Variants in CDIP1 observed in about 807,000 individuals in gnomAD.
CDIP1 encodes cell death-inducing p53-target protein 1.
Under a neutral mutation model 17.7 loss-of-function variants are expected in CDIP1, and 9 were observed. The ratio of observed to expected loss-of-function variants is 0.51; its 90% CI spans 0.31 to 0.89. The LOEUF is 0.89. Ranked by LOEUF, CDIP1 falls within the 40% of genes least tolerant of loss-of-function variation. The pLI is 0.05. For missense variants in CDIP1, 263 were observed against 277.9 expected (o/e 0.95, Z 0.38); for synonymous variants, 117 against 109.5 (o/e 1.07, Z -0.43).
chr16:4,524,515 A>T (rs1216039190), intron 1 of CDIP1, among the ~76,000 whole-genome samples: 1 of 152,204 alleles, frequency 6.6e-6, no homozygotes, highest in Non-Finnish European at 1.5e-5. Flanking sequence ...TGTAAGCAGA[A>T]GTGTCCAGAC....
At chr16:4,522,806 A>G (rs2058964536) in intron 1 of CDIP1, among the ~76,000 whole-genome samples, 1 of 152,180 alleles carries the variant, frequency 6.6e-6, no homozygotes, top group Non-Finnish European at 1.5e-5. Flanking sequence ...GGAAAAGGAG[A>G]GCACAGAATC....
chr16:4,513,789 C>G lies in CDIP1; in HGVS notation c.148G>C (p.Gly50Arg), dbSNP rs763443773. ...PGMPLPPADIGPPPYEPPGHP... is the reference protein window; with the variant it reads ...PGMPLPPADIRPPPYEPPGHP... ...CCCGGCGGCTCATAGGGTGGGGGGC[C>G]AATGTCCGCAGGGGGCAGTGGCATG... Residue 50 changes from glycine to arginine, a missense_variant, in exon 4 of 6, where the codon GGC becomes CGC. Physicochemically the swap from Gly to Arg is moderately radical, Grantham distance 125. Transcript: ENST00000567695. The surrounding 1 kb of genome is among the most constrained non-coding windows in gnomAD (Gnocchi z 4.1). 2 of 1,605,326 alleles carry G rather than the reference C, an allele frequency of 1.2e-6. No individual in the cohort carries two copies. The highest frequency in any genetic ancestry group is 1.7e-6 in the Non-Finnish European group (2 of 1,174,196).
chr16:4,513,186 CCT>C lies in CDIP1; in HGVS notation c.242-124_242-123del. ...GCGTGCAAGGCTACGCCTCAGACCT[CCT>C]ACCGCCCTCCTAACGGGCCAGTGGG... On this transcript the variant is annotated intron_variant, in intron 4 of 5. Coordinates refer to ENST00000567695, the MANE Select transcript of CDIP1 (RefSeq NM_013399.3). The surrounding 1 kb of genome is among the most constrained non-coding windows in gnomAD (Gnocchi z 4.1). The C allele has an allele frequency of 9.7e-7, 1 of 1,033,166 alleles. No individual in the cohort carries two copies. The highest frequency in any genetic ancestry group is 1.4e-6 in the Non-Finnish European group (1 of 732,652). 64.0% of individuals were successfully genotyped at this position (1,033,166 alleles called of 1,614,324 possible). A position where few individuals can be genotyped will look rare whatever the true frequency, so the allele number is the denominator to read the frequency against.
chr16:4,514,218 G>C lies in CDIP1; in HGVS notation c.-14-74C>G. ...TCCTTCTCCTTCAGCCCTGTGGGGT[G>C]GCCAAGATGCTGCACAAGGCGTGTG... is the stretch of plus-strand genomic sequence containing the variant. On this transcript the variant is annotated intron_variant, in intron 2 of 5. Transcript: ENST00000567695. The surrounding 1 kb of genome is among the most constrained non-coding windows in gnomAD (Gnocchi z 5.2). 1.2e-6 allele frequency: 1 copy of C among 844,732 alleles called. No individual in the cohort carries two copies. The highest frequency in any genetic ancestry group is 1.8e-6 in the Non-Finnish European group (1 of 549,226). 52.3% of individuals were successfully genotyped at this position (844,732 alleles called of 1,614,324 possible).
chr16:4,535,087 C>T (rs2141663124), intron 1 of CDIP1, among the ~76,000 whole-genome samples: 1 of 152,278 alleles, frequency 6.6e-6, no homozygotes, highest in South Asian at 2.1e-4. Context: ...GAAATTCTCC[C>T]TAAACCCTCC....
chr16:4,528,435 G>GT (rs963615321), intron 1 of CDIP1, among the ~76,000 whole-genome samples: 3 of 152,112 alleles, frequency 2.0e-5, no homozygotes, highest in African/African-American at 7.2e-5. Context: ...TTGTTTATAT[G>GT]TAAGTACACA....
In CDIP1 at chr16:4,514,333, A is replaced by G. The variant is rs2141628967; in HGVS notation, c.-14-189T>C. Among the ~76,000 whole-genome samples the G allele has an allele frequency of 6.6e-6, 1 of 152,250 alleles. No homozygotes were observed. On this transcript the variant is annotated intron_variant, in intron 2 of 5. Coordinates refer to ENST00000567695, the MANE Select transcript of CDIP1 (RefSeq NM_013399.3). The surrounding 1 kb of genome is among the most constrained non-coding windows in gnomAD (Gnocchi z 5.2). ...CCCAGAGCCACCATCCTCACCTCTC[A>G]GTAGTCACCTGCTCTTCCCTGTTTG...
rs190300249 is a variant in CDIP1 at position 4,527,212 on chromosome 16, C to T, written c.-105+11490G>A. On this transcript the variant is annotated intron_variant, in intron 1 of 5. Coordinates refer to ENST00000567695, the MANE Select transcript of CDIP1 (RefSeq NM_013399.3). ...ACACCATTCTCCTGCCTCAGCCTCCCGAGTAGCTGGGACTACAGGCGCCCG... is the reference window on the plus strand; with the variant it reads ...ACACCATTCTCCTGCCTCAGCCTCCTGAGTAGCTGGGACTACAGGCGCCCG... Among the ~76,000 whole-genome samples, 1,179 of 152,032 alleles carry T rather than the reference C, an allele frequency of 7.8e-3. 9 individuals carry two copies. Among genetic ancestry groups the T allele is most frequent in the Middle Eastern group, 0.024 (7 of 294 alleles).
At position 4,510,874 on chromosome 16, in the gene CDIP1, G is replaced by A. The variant is rs989608951; in HGVS notation, c.*1698C>T. On this transcript the variant is annotated 3_prime_UTR_variant, in exon 6 of 6. Transcript: ENST00000567695. ...GGGCCAGAGGTCGCCCAGAACCTGC[G>A]TGTGCAGACTGCGCTCTGTTAGTCT... 6.6e-6 allele frequency: 1 copy of A among 152,256 alleles called. No homozygotes were observed. The highest frequency in any genetic ancestry group is 1.5e-5 in the Non-Finnish European group (1 of 68,058). 9.4% of individuals were successfully genotyped at this position (152,256 alleles called of 1,614,324 possible).
intron 1 of CDIP1, among the ~76,000 whole-genome samples, chr16:4,516,230 C>T (rs1164901030): frequency 6.6e-6 from 1 of 152,126 alleles, no homozygotes; most frequent in African/African-American, 2.4e-5. Flanking sequence ...CCCATAGAAA[C>T]GGAAAGTACA....
At chr16:4,520,973 A>G (rs1036409211) in intron 1 of CDIP1, among the ~76,000 whole-genome samples, 1 of 152,176 alleles carries the variant, frequency 6.6e-6, no homozygotes, top group Admixed American at 6.6e-5. Flanking sequence ...ATCAAACTCC[A>G]TTTGACATAC....
intron 1 of CDIP1, among the ~76,000 whole-genome samples, chr16:4,525,931 A>G (rs1162364742): frequency 6.6e-6 from 1 of 152,126 alleles, no homozygotes; most frequent in Non-Finnish European, 1.5e-5. Context: ...TGAACCATTT[A>G]TTTATTTTTA....
Position 4,512,357 on chromosome 16 carries a change from C to T in CDIP1, c.*215G>A. The T allele has an allele frequency of 1.7e-6, 1 of 596,474 alleles. No homozygotes were observed. The highest frequency in any genetic ancestry group is 2.8e-5 in the East Asian group (1 of 35,878). 36.9% of individuals were successfully genotyped at this position (596,474 alleles called of 1,614,324 possible). On this transcript the variant is annotated 3_prime_UTR_variant, in exon 6 of 6. Transcript: ENST00000567695. This position sits in a 1 kb window ranked among gnomAD's most constrained non-coding sequence, Gnocchi z 4.6. ...CAACACACAAGCTCATTGTCAGCCC[C>T]CTGCCACCCACTGACCCTTGGCCTT... is the stretch of plus-strand genomic sequence containing the variant.
chr16:4,511,949 A>G lies in CDIP1; in HGVS notation c.*623T>C, dbSNP rs1596483004. ...ACCTGACACCAGGCAGCTCTCGGGC[A>G]CTGGGACAGGGTATTAGACATCCTG... On this transcript the variant is annotated 3_prime_UTR_variant, in exon 6 of 6. Coordinates refer to ENST00000567695, the MANE Select transcript of CDIP1 (RefSeq NM_013399.3). 1 of 154,538 alleles carries G rather than the reference A, an allele frequency of 6.5e-6. No individual in the cohort carries two copies. The highest frequency in any genetic ancestry group is 2.0e-4 in the South Asian group (1 of 4,960). The allele number at this position is 154,538 out of a possible 1,614,324, so 9.6% of individuals were successfully genotyped here. A position where few individuals can be genotyped will look rare whatever the true frequency, so the allele number is the denominator to read the frequency against.
intron 1 of CDIP1, among the ~76,000 whole-genome samples, chr16:4,528,805 A>G (rs1490877787): frequency 6.6e-6 from 1 of 152,004 alleles, no homozygotes; most frequent in African/African-American, 2.4e-5. Flanking sequence ...CCTGGCCAAC[A>G]TGGTGAAACC....
At chr16:4,519,483 G>A (rs1048026778) in intron 1 of CDIP1, among the ~76,000 whole-genome samples, 8 of 152,138 alleles carry the variant, frequency 5.3e-5, no homozygotes, top group Admixed American at 2.6e-4. Flanking sequence ...TCTTGGGAGC[G>A]GATTCCTTGT....
At chr16:4,531,348 A>G (rs1209301089) in intron 1 of CDIP1, among the ~76,000 whole-genome samples, 2 of 150,714 alleles carry the variant, frequency 1.3e-5, no homozygotes, top group African/African-American at 2.4e-5. Flanking sequence ...GTATTTTTAG[A>G]GACGGGGTTT....
At chr16:4,515,725 T>C (rs888765751) in intron 1 of CDIP1, among the ~76,000 whole-genome samples, 2 of 152,234 alleles carry the variant, frequency 1.3e-5, no homozygotes, top group Non-Finnish European at 2.9e-5. Context: ...ATTTCCTATC[T>C]ACTAGGATGG....
chr16:4,535,749 G>C (rs1459345379), intron 1 of CDIP1, among the ~76,000 whole-genome samples: 1 of 152,258 alleles, frequency 6.6e-6, no homozygotes, highest in Admixed American at 6.5e-5. Flanking sequence ...GGAGCCACCA[G>C]ACCAGTGTCT....
Sources: allele counts gnomAD v4.1 joint callset (sites outside exome capture counted in the v4.1 genomes callset), GRCh38; gene constraint gnomAD v4.1.1; non-coding constraint Gnocchi (gnomAD v3.1); transcripts MANE v1.5; gene names NCBI Gene and HGNC (gene_info 2026-07-23, HGNC 2026-07-21).